Variants in SMARCC1 observed in about 807,000 individuals in gnomAD.
SMARCC1 encodes SWI/SNF related BAF chromatin remodeling complex subunit C1, also known as SWI/SNF complex subunit SMARCC1.
SMARCC1 carries 43 observed loss-of-function variants against 147.4 expected under a neutral mutation model. The observed-to-expected ratio is 0.29, with a 90% CI of 0.23 to 0.38. SMARCC1 has a LOEUF of 0.38. SMARCC1 is among the 10% of genes least tolerant of loss of function. SMARCC1 has a pLI of 1.00. For synonymous variants in SMARCC1, 495 were observed against 484.4 expected, an observed-to-expected ratio of 1.02 and a Z score of -0.29; for missense variants, 1,119 against 1,381.1, an observed-to-expected ratio of 0.81 and a Z score of 3.01.
Position 47,733,393 on chromosome 3 carries a change from G to A in SMARCC1, c.576+2641C>T, listed in dbSNP as rs184540715. Among the ~76,000 whole-genome samples the A allele has an allele frequency of 2.3e-3, 355 of 151,690 alleles. 2 individuals are homozygous for A. Among genetic ancestry groups the A allele is most frequent in the African/African-American group, 8.3e-3 (343 of 41,308 alleles). Reference sequence around the variant, plus strand: ...GGCCAGGAGCTTGAGGCGAGCCTAGGGAAGACCCTGTCTCTTCAAAAATAA... The same window carrying A: ...GGCCAGGAGCTTGAGGCGAGCCTAGAGAAGACCCTGTCTCTTCAAAAATAA... On this transcript the variant is annotated intron_variant, in intron 5 of 27. Coordinates refer to ENST00000254480, the MANE Select transcript of SMARCC1 (RefSeq NM_003074.4).
intron 6 of SMARCC1, among the ~76,000 whole-genome samples, chr3:47,728,078 C>CTTTTTTTTTTTT (rs1166964500): frequency 3.5e-5 from 2 of 56,860 alleles, no homozygotes; most frequent in Non-Finnish European, 5.9e-5. Context: ...TTATTAGTCC[C>CTTTTTTTTTTTT]TTTTTTTTTT....
chr3:47,741,461 T>C (rs1401550022), intron 3 of SMARCC1, among the ~76,000 whole-genome samples: 3 of 150,128 alleles, frequency 2.0e-5, no homozygotes, highest in African/African-American at 7.3e-5. Context: ...TGGCAAAATA[T>C]CTAAACTTGA....
At chr3:47,711,993 G>A (rs2106799463) in intron 8 of SMARCC1, among the ~76,000 whole-genome samples, 1 of 152,358 alleles carries the variant, frequency 6.6e-6, no homozygotes, top group South Asian at 2.1e-4. Context: ...AGCACTTTGG[G>A]AGGCTGAGGC....
chr3:47,707,997 T>C (rs2034029456), intron 9 of SMARCC1, among the ~76,000 whole-genome samples: 1 of 151,386 alleles, frequency 6.6e-6, no homozygotes, highest in Non-Finnish European at 1.5e-5. Flanking sequence ...CTTAAACACC[T>C]TATGAGTATG....
intron 26 of SMARCC1, among the ~76,000 whole-genome samples, chr3:47,595,286 G>A (rs2032255319): frequency 6.6e-6 from 1 of 152,162 alleles, no homozygotes; most frequent in Admixed American, 6.5e-5. Flanking sequence ...CCAGTACTTT[G>A]GGAGGCCGAG....
At chr3:47,638,395 A>T (rs2033001955) in intron 22 of SMARCC1, among the ~76,000 whole-genome samples, 1 of 152,094 alleles carries the variant, frequency 6.6e-6, no homozygotes, top group African/African-American at 2.4e-5. Context: ...CCCAGCCAAG[A>T]ACCATAACTT....
intron 24 of SMARCC1, among the ~76,000 whole-genome samples, chr3:47,630,906 T>A (rs1325893305): frequency 2.0e-5 from 3 of 151,944 alleles, no homozygotes; most frequent in Non-Finnish European, 2.9e-5. Flanking sequence ...CTACAAAAAA[T>A]TTTAAAATTA....
chr3:47,724,321 T>C (rs1184440874), intron 6 of SMARCC1, among the ~76,000 whole-genome samples: 2 of 152,168 alleles, frequency 1.3e-5, no homozygotes, highest in Non-Finnish European at 2.9e-5. Flanking sequence ...TACAGGCACA[T>C]GCTATGACAT....
chr3:47,706,674 C>T (rs1252544465), intron 9 of SMARCC1, 144 bp from the exon 10 acceptor site: 1 of 684,134 alleles, frequency 1.5e-6, no homozygotes, highest in Non-Finnish European at 2.2e-6. Flanking sequence ...ATTAATCATC[C>T]AGGAACACCA....
chr3:47,674,217 C>T (rs1257139656), intron 18 of SMARCC1, among the ~76,000 whole-genome samples: 1 of 152,182 alleles, frequency 6.6e-6, no homozygotes, highest in Non-Finnish European at 1.5e-5. Flanking sequence ...TTATATTTAA[C>T]CACACAGATT....
At chr3:47,704,283 G>A (rs1379518825) in intron 10 of SMARCC1, among the ~76,000 whole-genome samples, 1 of 152,038 alleles carries the variant, frequency 6.6e-6, no homozygotes, top group Non-Finnish European at 1.5e-5. Flanking sequence ...CAAAAGTTGG[G>A]AAAACAGATT....
chr3:47,781,844 G>A lies in SMARCC1; in HGVS notation c.-47C>T, dbSNP rs1257778877. 1 of 1,240,146 alleles carries A rather than the reference G, an allele frequency of 8.1e-7. No individual in the cohort carries two copies. The highest frequency in any genetic ancestry group is 1.0e-6 in the Non-Finnish European group (1 of 976,092). The allele number at this position is 1,240,146 out of a possible 1,614,324, so 76.8% of individuals were successfully genotyped here. ...CAGCCTGGCCCACCCCGGCCCTCGC[G>A]GTGTTTCCCGGTCGTTCCCGCGCGC... On this transcript the variant is annotated 5_prime_UTR_variant, in exon 1 of 28. Transcript: ENST00000254480.
intron 11 of SMARCC1, among the ~76,000 whole-genome samples, chr3:47,700,427 G>T (rs2033903237): frequency 6.6e-6 from 1 of 152,110 alleles, no homozygotes; most frequent in Admixed American, 6.6e-5. Flanking sequence ...CTTATTTTTT[G>T]AAAATGTGAT....
At chr3:47,700,125 T>C (rs1559648621) in intron 11 of SMARCC1, among the ~76,000 whole-genome samples, 1 of 152,026 alleles carries the variant, frequency 6.6e-6, no homozygotes, top group Non-Finnish European at 1.5e-5. Context: ...CATCTCCTAA[T>C]AACCAGAAAA....
intron 21 of SMARCC1, among the ~76,000 whole-genome samples, chr3:47,653,017 C>T (rs1200104253): frequency 4.9e-5 from 7 of 143,480 alleles, no homozygotes; most frequent in Admixed American, 7.4e-5. Flanking sequence ...ACTGCAGTGG[C>T]GCAATCTCGG....
intron 2 of SMARCC1, among the ~76,000 whole-genome samples, chr3:47,756,160 C>G (rs1378185674): frequency 6.9e-6 from 1 of 145,068 alleles, no homozygotes; most frequent in East Asian, 2.1e-4. Context: ...GGCTACAGGG[C>G]AATACTGCAT....
intron 17 of SMARCC1, among the ~76,000 whole-genome samples, chr3:47,675,944 C>CAAA (rs79032057): frequency 8.8e-6 from 1 of 113,394 alleles, no homozygotes; most frequent in Non-Finnish European, 1.9e-5. Context: ...GATTCCGTCT[C>CAAA]AAAAAAAAAA....
intron 26 of SMARCC1, among the ~76,000 whole-genome samples, chr3:47,593,461 C>T (rs1042400740): frequency 2.0e-5 from 3 of 152,092 alleles, no homozygotes; most frequent in South Asian, 2.1e-4. Flanking sequence ...CGTGAGCCAC[C>T]GCGCCTGGCC....
intron 5 of SMARCC1, among the ~76,000 whole-genome samples, chr3:47,729,760 C>T (rs1233850757): frequency 6.6e-6 from 1 of 152,194 alleles, no homozygotes; most frequent in Non-Finnish European, 1.5e-5. Context: ...CAATGCCATT[C>T]CTGGCCTTGA....
Sources: allele counts gnomAD v4.1 joint callset (sites outside exome capture counted in the v4.1 genomes callset), GRCh38; gene constraint gnomAD v4.1.1; transcripts MANE v1.5; gene names NCBI Gene and HGNC (gene_info 2026-07-23, HGNC 2026-07-21).